CNTLN: variants seen among roughly 807,000 people sequenced by gnomAD.
The protein encoded by CNTLN is centlein.
CNTLN carries 212 observed loss-of-function variants against 180.0 expected under a neutral mutation model. The ratio of observed to expected loss-of-function variants is 1.18; its 90% CI spans 1.05 to 1.32. The LOEUF (loss-of-function observed/expected upper bound fraction) is 1.32. CNTLN is among the 40% of genes most tolerant of loss of function. CNTLN has a pLI of 0.00. For missense variants in CNTLN, 2,095 were observed against 1,610.9 expected (o/e 1.30, Z -5.14); for synonymous variants, 722 against 563.1 (o/e 1.28, Z -3.99).
At chr9:17,355,476 CTT>C (rs1245088264) in intron 12 of CNTLN, among the ~76,000 whole-genome samples, 1 of 152,088 alleles carries the variant, frequency 6.6e-6, no homozygotes, top group African/African-American at 2.4e-5. Flanking sequence ...GTAGCTTATG[CTT>C]TTGGTGTCAT....
In CNTLN at chr9:17,273,817, A is replaced by C. The variant is rs1223838316; in HGVS notation, c.934A>C (p.Asn312His). The change falls in exon 6 of 26, where the codon AAT (asparagine) becomes CAT (histidine). Residue 312 changes from asparagine (N) to histidine (H), a missense_variant. Physicochemically the swap from Asn to His is moderately conservative, Grantham distance 68. Transcript: ENST00000380647. ...CAATGCTCTATCATTACAGTTGAGT[A>C]ATAAACAGACTGAACTTATCCAGAA... ...KYNALSLQLS[N>H]KQTELIQKDM... The C allele has an allele frequency of 6.3e-7, 1 of 1,575,478 alleles. No individual in the cohort carries two copies. Among genetic ancestry groups the C allele is most frequent in the Non-Finnish European group, 8.6e-7 (1 of 1,164,414 alleles).
Position 17,502,726 on chromosome 9 carries a change from C to T in CNTLN, c.*74C>T. 1.9e-6 allele frequency: 1 copy of T among 521,720 alleles called. No homozygotes were observed. Among genetic ancestry groups the T allele is most frequent in the Non-Finnish European group, 3.4e-6 (1 of 296,690 alleles). The allele number at this position is 521,720 out of a possible 1,614,324, so 32.3% of individuals were successfully genotyped here. A position where few individuals can be genotyped will look rare whatever the true frequency, so the allele number is the denominator to read the frequency against. On this transcript the variant is annotated 3_prime_UTR_variant, in exon 26 of 26. Transcript: ENST00000380647. ...GTGATTGGAATACATGCATTGCAAT[C>T]CTGACACGGTATCTGCTCCAACTAT... is the stretch of plus-strand genomic sequence containing the variant.
chr9:17,223,065 G>GT (rs1437578929), intron 2 of CNTLN, among the ~76,000 whole-genome samples: 1 of 151,916 alleles, frequency 6.6e-6, no homozygotes, highest in Admixed American at 6.6e-5. Context: ...TGTACACTAC[G>GT]TTTTTTCCTA....
intron 2 of CNTLN, among the ~76,000 whole-genome samples, chr9:17,177,425 T>C (rs748002826): frequency 9.2e-5 from 14 of 151,992 alleles, no homozygotes; most frequent in African/African-American, 3.1e-4. Context: ...AAAAAAATTA[T>C]TTTCAGTTTC....
At position 17,405,098 on chromosome 9, in the gene CNTLN, C is replaced by G. The variant is rs141692117; in HGVS notation, c.2616-4195C>G. ...CAAATTCAAAGGTTGATTCTCAGTC[C>G]TCACCTTACTTGACCTCTCAGCAGC... On this transcript the variant is annotated intron_variant, in intron 15 of 25. Transcript: ENST00000380647. 1.1e-4 allele frequency among the ~76,000 whole-genome samples: 16 copies of G among 151,858 alleles called. No individual in the cohort carries two copies. In the East Asian group the frequency reaches 3.1e-3, roughly 29 times the overall value.
At chr9:17,455,707 C>T (rs1831067970) in intron 18 of CNTLN, among the ~76,000 whole-genome samples, 1 of 148,306 alleles carries the variant, frequency 6.7e-6, no homozygotes, top group African/African-American at 2.6e-5. Flanking sequence ...GTAAAAATGG[C>T]AGGCAGGTTT....
the CNTLN span, among the ~76,000 whole-genome samples, chr9:17,517,581 C>T: frequency 6.6e-6 from 1 of 151,824 alleles, no homozygotes; most frequent in East Asian, 1.9e-4. Context: ...GGGAAGAGGA[C>T]CATGTGCAGA....
chr9:17,383,925 A>T (rs1806385864), intron 13 of CNTLN, among the ~76,000 whole-genome samples: 1 of 152,172 alleles, frequency 6.6e-6, no homozygotes, highest in Admixed American at 6.5e-5. Context: ...GGCGTGAGCC[A>T]CCTTGCCCGG....
intron 18 of CNTLN, among the ~76,000 whole-genome samples, chr9:17,424,087 C>A (rs1828918381): frequency 6.6e-6 from 1 of 152,006 alleles, no homozygotes; most frequent in African/African-American, 2.4e-5. Flanking sequence ...TTCTGTTTGG[C>A]CATTTTGCTC....
chr9:17,433,796 G>A (rs1023180365), intron 18 of CNTLN, among the ~76,000 whole-genome samples: 2 of 152,068 alleles, frequency 1.3e-5, no homozygotes, highest in Non-Finnish European at 2.9e-5. Flanking sequence ...GCTCAGGGTT[G>A]TCTTGAATAC....
intron 18 of CNTLN, among the ~76,000 whole-genome samples, chr9:17,433,600 C>G (rs1256683489): frequency 6.9e-6 from 1 of 145,542 alleles, no homozygotes; most frequent in African/African-American, 2.5e-5. Flanking sequence ...TTTTAGCTTT[C>G]TAAGAGTTTG....
chr9:17,475,556 G>A (rs1354991121), intron 23 of CNTLN, among the ~76,000 whole-genome samples: 2 of 142,396 alleles, frequency 1.4e-5, no homozygotes, highest in Admixed American at 1.4e-4. Flanking sequence ...GGGAGGGAGG[G>A]AACAATAAGA....
intron 23 of CNTLN, among the ~76,000 whole-genome samples, chr9:17,483,772 A>G (rs904056808): frequency 1.3e-5 from 2 of 152,276 alleles, no homozygotes; most frequent in East Asian, 1.9e-4. Context: ...AATTTACCAC[A>G]TGTAATTGAA....
chr9:17,284,015 TTTTGTTTG>T (rs144244795), intron 6 of CNTLN, among the ~76,000 whole-genome samples: 2 of 151,516 alleles, frequency 1.3e-5, no homozygotes, highest in Admixed American at 6.6e-5. Flanking sequence ...TTATTGAGGA[TTTTGTTTG>T]TTTGTTTGTT....
At chr9:17,339,844 T>C (rs1821338163) in intron 10 of CNTLN, among the ~76,000 whole-genome samples, 1 of 152,166 alleles carries the variant, frequency 6.6e-6, no homozygotes, top group South Asian at 2.1e-4. Context: ...ATTGATCTCA[T>C]GTGCTATATA....
At chr9:17,401,498 T>C (rs889432664) in intron 15 of CNTLN, among the ~76,000 whole-genome samples, 4 of 151,826 alleles carry the variant, frequency 2.6e-5, no homozygotes, top group African/African-American at 9.7e-5. Flanking sequence ...TCAGTCTCCT[T>C]AGGAGCTGAG....
intron 23 of CNTLN, among the ~76,000 whole-genome samples, chr9:17,483,263 A>G (rs770803713): frequency 3.3e-5 from 5 of 152,212 alleles, no homozygotes; most frequent in Admixed American, 6.5e-5. Flanking sequence ...AAACTTTAAA[A>G]TACAGCAAAA....
At chr9:17,311,283 C>G (rs894270225) in intron 8 of CNTLN, among the ~76,000 whole-genome samples, 4 of 151,858 alleles carry the variant, frequency 2.6e-5, no homozygotes, top group Non-Finnish European at 5.9e-5. Flanking sequence ...CCGTGGCCTT[C>G]CAAAGTGCTG....
intron 13 of CNTLN, among the ~76,000 whole-genome samples, chr9:17,380,152 G>C (rs529472286): frequency 3.9e-5 from 6 of 152,292 alleles, no homozygotes; most frequent in African/African-American, 1.4e-4. Flanking sequence ...CATTGGTCAA[G>C]TGGATCAACA....
Sources: allele counts gnomAD v4.1 joint callset (sites outside exome capture counted in the v4.1 genomes callset), GRCh38; gene constraint gnomAD v4.1.1; transcripts MANE v1.5; gene names NCBI Gene and HGNC (gene_info 2026-07-23, HGNC 2026-07-21).